PIK3C2G: variants seen among roughly 807,000 people sequenced by gnomAD.
PIK3C2G encodes the protein phosphatidylinositol-4-phosphate 3-kinase catalytic subunit type 2 gamma, also known as phosphatidylinositol 3-kinase C2 domain-containing subunit gamma.
PIK3C2G carries 168 observed loss-of-function variants against 181.1 expected under a neutral mutation model. That is an observed-to-expected ratio of 0.93 (90% CI 0.82 to 1.05). The LOEUF (loss-of-function observed/expected upper bound fraction) is 1.05. Among genes scored for constraint, PIK3C2G ranks in the 50% least tolerant of loss-of-function variants. The probability of loss-of-function intolerance (pLI) is 0.00; values close to 1 mark genes in which losing one functional copy is unlikely to be tolerated. For synonymous variants in PIK3C2G, 573 were observed against 592.2 expected, an observed-to-expected ratio of 0.97 and a Z score of 0.47; for missense variants, 1,869 against 1,732.8, an observed-to-expected ratio of 1.08 and a Z score of -1.40.
chr12:18,632,441 A>G (rs1379328564), intron 31 of PIK3C2G, among the ~76,000 whole-genome samples: 1 of 152,174 alleles, frequency 6.6e-6, no homozygotes, highest in Admixed American at 6.6e-5. Flanking sequence ...TTCACCAGAA[A>G]AACAGAACCA....
At chr12:18,284,147 A>T (rs1949342036) in intron 2 of PIK3C2G, among the ~76,000 whole-genome samples, 1 of 152,146 alleles carries the variant, frequency 6.6e-6, no homozygotes, top group Non-Finnish European at 1.5e-5. Context: ...CTTAGTAGAT[A>T]ATGTCAGCGT....
At chr12:18,646,370 G>A (rs370221055) in intron 32 of PIK3C2G, among the ~76,000 whole-genome samples, 10 of 152,244 alleles carry the variant, frequency 6.6e-5, no homozygotes, top group African/African-American at 2.4e-4. Flanking sequence ...TGGAAGAAGA[G>A]GTAGCCAAGA....
chr12:18,503,444 A>G lies in PIK3C2G; in HGVS notation c.3153+27A>G, dbSNP rs756889159. On this transcript the variant is annotated intron_variant, in intron 23 of 32. Coordinates refer to ENST00000538779, the MANE Select transcript of PIK3C2G (RefSeq NM_001288772.2). The stretch of plus-strand genomic sequence containing the variant: ...TTTGTCCTGTTGCAGATCATTTTAA[A>G]TAATGTACTTAAATAAGAATATGCT... 7.2e-6 allele frequency: 11 copies of G among 1,524,012 alleles called. No homozygotes were observed. The African/African-American group carries it at 9.7e-5, about 13-fold the overall frequency. 94.4% of individuals were successfully genotyped at this position (1,524,012 alleles called of 1,614,324 possible). A position where few individuals can be genotyped will look rare whatever the true frequency, so the allele number is the denominator to read the frequency against.
At chr12:18,428,508 A>G (rs1035673785) in intron 18 of PIK3C2G, among the ~76,000 whole-genome samples, 3 of 152,086 alleles carry the variant, frequency 2.0e-5, no homozygotes, top group African/African-American at 7.2e-5. Flanking sequence ...CCAATTATTC[A>G]CCAAGCCCTA....
chr12:18,654,505 G>A, the PIK3C2G span, among the ~76,000 whole-genome samples: 4 of 152,114 alleles, frequency 2.6e-5, no homozygotes, highest in South Asian at 2.1e-4. Context: ...ATTTCAGACC[G>A]AAATCCCAGG....
Position 18,294,019 on chromosome 12 carries a change from A to C in PIK3C2G, c.1034+4A>C. 7.4e-7 allele frequency: 1 copy of C among 1,348,890 alleles called. No individual in the cohort carries two copies. The allele number at this position is 1,348,890 out of a possible 1,614,324, so 83.6% of individuals were successfully genotyped here. ...GCTCTGAAGAATTTTTACAAAAGTA[A>C]GTATTTTATGAAATTTTGGTTGTAT... On this transcript the variant is annotated splice_donor_region_variant and intron_variant, in intron 5 of 32. Transcript: ENST00000538779.
At chr12:18,415,251 A>G (rs1043068075) in intron 16 of PIK3C2G, among the ~76,000 whole-genome samples, 1 of 152,184 alleles carries the variant, frequency 6.6e-6, no homozygotes, top group African/African-American at 2.4e-5. Flanking sequence ...GCATGTGCTT[A>G]CTTTGTGTAA....
chr12:18,533,526 C>A (rs1048489847), intron 24 of PIK3C2G, among the ~76,000 whole-genome samples: 7 of 152,080 alleles, frequency 4.6e-5, no homozygotes, highest in African/African-American at 1.4e-4. Flanking sequence ...TTGCAAAAGT[C>A]TCTTGTCTGA....
chr12:18,489,714 T>C (rs890047495), intron 19 of PIK3C2G, among the ~76,000 whole-genome samples: 1 of 152,200 alleles, frequency 6.6e-6, no homozygotes, highest in East Asian at 1.9e-4. Context: ...AATTATTTTG[T>C]AATGGTAGAC....
At chr12:18,364,973 G>C (rs1941535524) in intron 12 of PIK3C2G, among the ~76,000 whole-genome samples, 1 of 152,068 alleles carries the variant, frequency 6.6e-6, no homozygotes, top group Non-Finnish European at 1.5e-5. Flanking sequence ...GTAATTTCTG[G>C]TTGTTTTAAA....
At chr12:18,466,657 T>C (rs1434535478) in intron 18 of PIK3C2G, among the ~76,000 whole-genome samples, 1 of 151,968 alleles carries the variant, frequency 6.6e-6, no homozygotes, top group African/African-American at 2.4e-5. Flanking sequence ...ATTTGTCAGA[T>C]GGCATAATGA....
chr12:18,261,139 C>T (rs1948221655), upstream of PIK3C2G, among the ~76,000 whole-genome samples: 1 of 152,140 alleles, frequency 6.6e-6, no homozygotes, highest in Non-Finnish European at 1.5e-5. Flanking sequence ...ACCTCTGCTC[C>T]TGCAAATTGA....
At chr12:18,593,843 C>T (rs1947212500) in intron 29 of PIK3C2G, among the ~76,000 whole-genome samples, 1 of 151,662 alleles carries the variant, frequency 6.6e-6, no homozygotes, top group African/African-American at 2.4e-5. Flanking sequence ...AATCTGTTTT[C>T]TCCACTTAAT....
chr12:18,718,244 T>C, the PIK3C2G span, among the ~76,000 whole-genome samples: 1 of 152,184 alleles, frequency 6.6e-6, no homozygotes, highest in African/African-American at 2.4e-5. Flanking sequence ...TTCAACTACT[T>C]GTCATCTCAG....
intron 31 of PIK3C2G, 151 bp from the exon 32 acceptor site, chr12:18,640,278 A>T: frequency 1.6e-6 from 1 of 618,976 alleles, no homozygotes; most frequent in South Asian, 2.7e-5. Flanking sequence ...TTGAGCATGG[A>T]TGAATTTCTT....
intron 2 of PIK3C2G, 37 bp from the exon 3 acceptor site, chr12:18,286,810 C>T (rs1949464765): frequency 9.3e-7 from 1 of 1,077,492 alleles, no homozygotes; most frequent in African/African-American, 1.6e-5. Flanking sequence ...AGTTTCTCTT[C>T]TCCAAATTAT....
At position 18,628,654 on chromosome 12, in the gene PIK3C2G, T is replaced by C. The variant is rs146381976; in HGVS notation, c.4183-11775T>C. 7.4e-4 allele frequency among the ~76,000 whole-genome samples: 113 copies of C among 152,368 alleles called. 1 individual carries two copies. The East Asian group carries it at 0.019, about 26-fold the overall frequency. On this transcript the variant is annotated intron_variant, in intron 31 of 32. Transcript: ENST00000538779. ...TAATAACTAAGCTAAGAATCCCCTG[T>C]ATTCCTCTCTTCAGTTGAGAAAGAA...
At chr12:18,539,817 G>A (rs1944055766) in intron 25 of PIK3C2G, among the ~76,000 whole-genome samples, 1 of 151,868 alleles carries the variant, frequency 6.6e-6, no homozygotes, top group Non-Finnish European at 1.5e-5. Flanking sequence ...CATATGCAAA[G>A]ATATTGGTTT....
chr12:18,312,884 T>C (rs1443848216), intron 5 of PIK3C2G, among the ~76,000 whole-genome samples: 1 of 152,126 alleles, frequency 6.6e-6, no homozygotes, highest in Non-Finnish European at 1.5e-5. Flanking sequence ...ATAATTATTC[T>C]ACATAATTCT....
Sources: allele counts gnomAD v4.1 joint callset (sites outside exome capture counted in the v4.1 genomes callset), GRCh38; gene constraint gnomAD v4.1.1; transcripts MANE v1.5; gene names NCBI Gene and HGNC (gene_info 2026-07-23, HGNC 2026-07-21).